WNT11: variants seen among roughly 807,000 people sequenced by gnomAD.
The protein encoded by WNT11 is Wnt family member 11.
WNT11 carries 20 observed loss-of-function variants against 35.6 expected under a neutral mutation model. The ratio of observed to expected loss-of-function variants is 0.56; its 90% confidence interval spans 0.40 to 0.82. The LOEUF (loss-of-function observed/expected upper bound fraction) is 0.82, where lower values mean the gene tolerates loss of function less well. Among genes scored for constraint, WNT11 ranks in the 40% least tolerant of loss-of-function variants. The pLI, the probability that WNT11 is intolerant of heterozygous loss-of-function variation, is 0.00. For missense variants in WNT11, 459 were observed against 504.4 expected, an observed-to-expected ratio of 0.91 and a Z score of 0.86; for synonymous variants, 200 against 211.9, an observed-to-expected ratio of 0.94 and a Z score of 0.49.
At position 76,196,506 on chromosome 11, in the gene WNT11, T is replaced by C. The variant is rs201947483; in HGVS notation, c.296A>G (p.Asn99Ser). The change falls in exon 2 of 5, where the codon AAC becomes AGC. Residue 99 changes from asparagine to serine, a missense_variant. By Grantham distance (46) the Asn-to-Ser change is conservative. Coordinates refer to ENST00000322563, the MANE Select transcript of WNT11 (RefSeq NM_004626.3). The part of the protein sequence containing the change: ...WNCSSIELAP[N>S]YLLDLERGTR... ...ACCTCTCTCCAGGTCAAGCAAATAG[T>C]TGGGGGCGAGCTCAATGGAGGAGCA... is the stretch of plus-strand genomic sequence containing the variant. The C allele has an allele frequency of 6.2e-7, 1 of 1,613,394 alleles. No homozygotes were observed. The highest frequency in any genetic ancestry group is 1.7e-5 in the Admixed American group (1 of 60,034).
chr11:76,188,829 G>A (rs1239956618), intron 4 of WNT11, among the ~76,000 whole-genome samples: 2 of 152,236 alleles, frequency 1.3e-5, no homozygotes, highest in African/African-American at 2.4e-5. Context: ...AAGGAGTGCT[G>A]GGGTAGAGGG....
chr11:76,196,478 C>T lies in WNT11; in HGVS notation c.319+5G>A, dbSNP rs1180539332. The stretch of plus-strand genomic sequence containing the variant: ...CATGCATTCAGCAGCCTCGCCAGCT[C>T]CTACCTCTCTCCAGGTCAAGCAAAT... On this transcript the variant is annotated splice_donor_5th_base_variant and intron_variant, in intron 2 of 4. Transcript: ENST00000322563. 1 of 1,613,116 alleles carries T rather than the reference C, an allele frequency of 6.2e-7. No individual in the cohort carries two copies. The highest frequency in any genetic ancestry group is 8.5e-7 in the Non-Finnish European group (1 of 1,179,890).
At chr11:76,202,844 T>C (rs1953404097) in intron 1 of WNT11, among the ~76,000 whole-genome samples, 1 of 152,086 alleles carries the variant, frequency 6.6e-6, no homozygotes, top group Non-Finnish European at 1.5e-5. Context: ...ACTGTATAGA[T>C]AGAGAAATGG....
Position 76,193,150 on chromosome 11 carries a change from T to C in WNT11, c.598-1294A>G, listed in dbSNP as rs115149659. 4.2e-3 allele frequency among the ~76,000 whole-genome samples: 646 copies of C among 152,352 alleles called. 2 individuals carry two copies. The highest frequency in any genetic ancestry group is 0.015 in the African/African-American group (616 of 41,590). Reference sequence around the variant, plus strand: ...GCACTGGTGAGCCATCGAGGGCAGGTGAACTAGGTTCTGCTGCTCAGCATA... The same window carrying C: ...GCACTGGTGAGCCATCGAGGGCAGGCGAACTAGGTTCTGCTGCTCAGCATA... On this transcript the variant is annotated intron_variant, in intron 3 of 4. Transcript: ENST00000322563.
At chr11:76,209,511 C>A (rs185612616), upstream of WNT11, among the ~76,000 whole-genome samples, 2 of 152,296 alleles carry the variant, frequency 1.3e-5, no homozygotes, top group East Asian at 3.9e-4. Context: ...CGAAGCCTCC[C>A]GCCACGCAGC....
chr11:76,194,704 A>C lies in WNT11; in HGVS notation c.460T>G (p.Trp154Gly). ...PGEPPGPGNR[W>G]GGCADNLSYG... The stretch of plus-strand genomic sequence containing the variant: ...CTGAGGTTGTCCGCACATCCTCCCC[A>C]GCGGTTCCCGGGCCCGGGTGGCTCA... Residue 154 changes from tryptophan to glycine, a missense_variant, in exon 3 of 5, where the codon TGG becomes GGG. Trp to Gly is a radical substitution (Grantham distance 184). Transcript: ENST00000322563. This position sits in a 1 kb window ranked among gnomAD's most constrained non-coding sequence, Gnocchi z 5.4. The C allele has an allele frequency of 6.4e-7, 1 of 1,550,478 alleles. No homozygotes were observed. Among genetic ancestry groups the C allele is most frequent in the Non-Finnish European group, 8.7e-7 (1 of 1,146,956 alleles).
intron 3 of WNT11, among the ~76,000 whole-genome samples, chr11:76,193,960 T>G (rs1591304016): frequency 6.6e-6 from 1 of 152,102 alleles, no homozygotes; most frequent in East Asian, 1.9e-4. Flanking sequence ...TGGTAGAAAG[T>G]TCATTCACTG....
chr11:76,195,136 C>T, intron 2 of WNT11: 1 of 442,136 alleles, frequency 2.3e-6, no homozygotes, highest in Non-Finnish European at 4.0e-6. Flanking sequence ...TTAGGGGATG[C>T]TTTACAGTAG....
upstream of WNT11, among the ~76,000 whole-genome samples, chr11:76,208,581 C>G (rs989217992): frequency 4.6e-5 from 7 of 152,174 alleles, no homozygotes; most frequent in South Asian, 2.1e-4. Context: ...GCGCCGCCCC[C>G]CGAAGGCACC....
Position 76,194,433 on chromosome 11 carries a change from T to G in WNT11, c.597+134A>C, listed in dbSNP as rs370777301. 9.3e-7 allele frequency: 1 copy of G among 1,071,114 alleles called. No individual in the cohort carries two copies. The highest frequency in any genetic ancestry group is 1.6e-5 in the African/African-American group (1 of 62,142). 66.4% of individuals were successfully genotyped at this position (1,071,114 alleles called of 1,614,324 possible). A position where few individuals can be genotyped will look rare whatever the true frequency, so the allele number is the denominator to read the frequency against. ...AGGGAAGGGCTGAGGATGAGGATGG[T>G]GCGAGGCACATCAGGTGTGGGCCAG... On this transcript the variant is annotated intron_variant, in intron 3 of 4. Coordinates refer to ENST00000322563, the MANE Select transcript of WNT11 (RefSeq NM_004626.3). The surrounding 1 kb of genome is among the most constrained non-coding windows in gnomAD (Gnocchi z 5.4).
intron 2 of WNT11, among the ~76,000 whole-genome samples, chr11:76,195,555 C>T (rs971157749): frequency 6.6e-6 from 1 of 152,334 alleles, no homozygotes; most frequent in East Asian, 1.9e-4. Flanking sequence ...GCTGACACCT[C>T]GATTTCAGAC....
chr11:76,203,457 G>A (rs918716107), intron 1 of WNT11, among the ~76,000 whole-genome samples: 3 of 152,172 alleles, frequency 2.0e-5, no homozygotes, highest in South Asian at 2.1e-4. Context: ...CACCGCTTCC[G>A]TGGTTCACAG....
In WNT11 at chr11:76,191,726, G is replaced by T; in HGVS notation, c.728C>A (p.Ser243Ter). 2 of 1,613,790 alleles carry T rather than the reference G, an allele frequency of 1.2e-6. No individual in the cohort carries two copies. The highest frequency in any genetic ancestry group is 1.7e-6 in the Non-Finnish European group (2 of 1,180,036). The change falls in exon 4 of 5, where the codon TCG becomes TAG. Residue 243 changes from serine (S) to a stop codon, truncating the protein, a stop_gained. Transcript: ENST00000322563. LOFTEE classifies it high-confidence loss of function. Reference sequence around the variant, plus strand: ...GGGTCGGTGCACTACCTTGGTGGCCGACAGGTATCGGGTCTTGAGGTCAGC... The same window carrying T: ...GGGTCGGTGCACTACCTTGGTGGCCTACAGGTATCGGGTCTTGAGGTCAGC... ...VAADLKTRYL[S>*]ATKVVHRPMG...
At chr11:76,210,175 AG>A (rs1418519565), upstream of WNT11, among the ~76,000 whole-genome samples, 2 of 150,054 alleles carry the variant, frequency 1.3e-5, no homozygotes, top group African/African-American at 2.4e-5. Context: ...GGGGCAGAAG[AG>A]GGGGGCCGGG....
In WNT11 at chr11:76,203,102, A is replaced by G. The variant is rs1295722788; in HGVS notation, c.83+3223T>C. Among the ~76,000 whole-genome samples the G allele has an allele frequency of 2.0e-5, 3 of 152,238 alleles. No homozygotes were observed. In the East Asian group the frequency reaches 5.8e-4, roughly 29 times the overall value. ...TGAACTCCCACTGTGCAAGTGGGGAAACTGAGGCCCGGAAAGGGCAGGGCT... is the reference window on the plus strand; with the variant it reads ...TGAACTCCCACTGTGCAAGTGGGGAGACTGAGGCCCGGAAAGGGCAGGGCT... On this transcript the variant is annotated intron_variant, in intron 1 of 4. Coordinates refer to ENST00000322563, the MANE Select transcript of WNT11 (RefSeq NM_004626.3).
rs981744827 is a variant in WNT11 at position 76,186,389 on chromosome 11, C to T, written c.*676G>A. The T allele has an allele frequency of 6.6e-5, 10 of 151,790 alleles. No individual in the cohort carries two copies. Among genetic ancestry groups the T allele is most frequent in the African/African-American group, 2.2e-4 (9 of 41,292 alleles). The allele number at this position is 151,790 out of a possible 1,614,324, so 9.4% of individuals were successfully genotyped here. A position where few individuals can be genotyped will look rare whatever the true frequency, so the allele number is the denominator to read the frequency against. Reference sequence around the variant, plus strand: ...GTCTGCCGAGTTCACTTGACGAGGCCGGGAACTGCAGGGGCGGGCTGGGGC... The same window carrying T: ...GTCTGCCGAGTTCACTTGACGAGGCTGGGAACTGCAGGGGCGGGCTGGGGC... On this transcript the variant is annotated 3_prime_UTR_variant, in exon 5 of 5. Transcript: ENST00000322563.
At chr11:76,193,573 G>C (rs1340371137) in intron 3 of WNT11, among the ~76,000 whole-genome samples, 1 of 152,238 alleles carries the variant, frequency 6.6e-6, no homozygotes, top group Non-Finnish European at 1.5e-5. Flanking sequence ...GTATGATTTG[G>C]CTTCAGTTTC....
intron 1 of WNT11, among the ~76,000 whole-genome samples, chr11:76,198,135 A>G (rs145056570): frequency 9.2e-5 from 14 of 152,358 alleles, no homozygotes; most frequent in African/African-American, 3.1e-4. Flanking sequence ...TGCCAAGGGC[A>G]CTGCACAGGC....
At chr11:76,191,209 T>C (rs767416576) in intron 4 of WNT11, among the ~76,000 whole-genome samples, 20 of 152,186 alleles carry the variant, frequency 1.3e-4, no homozygotes, top group Admixed American at 2.6e-4. Flanking sequence ...ACAAACATTT[T>C]CTGAGCACCT....
Sources: allele counts gnomAD v4.1 joint callset (sites outside exome capture counted in the v4.1 genomes callset), GRCh38; gene constraint gnomAD v4.1.1; non-coding constraint Gnocchi (gnomAD v3.1); transcripts MANE v1.5; gene names NCBI Gene and HGNC (gene_info 2026-07-23, HGNC 2026-07-21).